IBTK: variants seen among roughly 807,000 people sequenced by gnomAD.
IBTK encodes BTK-binding protein.
Under a neutral mutation model 154.9 loss-of-function variants are expected in IBTK, and 83 were observed. The ratio of observed to expected loss-of-function variants is 0.54; its 90% CI spans 0.45 to 0.64. IBTK has a LOEUF of 0.64. Among genes scored for constraint, IBTK ranks in the 30% least tolerant of loss-of-function variants. IBTK has a pLI of 0.00. For synonymous variants in IBTK, 515 were observed against 536.1 expected (o/e 0.96, Z 0.54); for missense variants, 1,332 against 1,584.6 (o/e 0.84, Z 2.71).
intron 22 of IBTK, among the ~76,000 whole-genome samples, chr6:82,195,819 T>A (rs1242969630): frequency 6.6e-6 from 1 of 152,196 alleles, no homozygotes; most frequent in Non-Finnish European, 1.5e-5. Context: ...AGGCTAGGAA[T>A]CCTGCAGCTT....
intron 13 of IBTK, among the ~76,000 whole-genome samples, chr6:82,211,817 C>CT (rs373818710): frequency 6.6e-6 from 1 of 151,692 alleles, no homozygotes; most frequent in South Asian, 2.1e-4. Context: ...TCTGATTTTC[C>CT]TTTTTTTTAT....
At chr6:82,220,980 A>ACACACACACACACACACC (rs1770078905) in intron 8 of IBTK, among the ~76,000 whole-genome samples, 1 of 150,796 alleles carries the variant, frequency 6.6e-6, no homozygotes, top group Non-Finnish European at 1.5e-5. Flanking sequence ...ACACACACAC[A>ACACACACACACACACACC]TTAAATGCCT....
chr6:82,232,768 C>A (rs774360082), intron 3 of IBTK, among the ~76,000 whole-genome samples: 27 of 152,148 alleles, frequency 1.8e-4, no homozygotes, highest in Non-Finnish European at 1.2e-4. Flanking sequence ...GTAATCCCAG[C>A]ACTTTGAGAG....
intron 12 of IBTK, among the ~76,000 whole-genome samples, chr6:82,213,101 C>T (rs1334852788): frequency 6.6e-6 from 1 of 151,480 alleles, no homozygotes; most frequent in African/African-American, 2.4e-5. Flanking sequence ...GATCTTAGTT[C>T]ACTGCAACCT....
chr6:82,238,345 C>CT (rs1203015399), intron 2 of IBTK, among the ~76,000 whole-genome samples: 1 of 152,132 alleles, frequency 6.6e-6, no homozygotes, highest in Non-Finnish European at 1.5e-5. Context: ...AGTGAAATGA[C>CT]ATTGGGGTGT....
chr6:82,217,682 C>G (rs968879949), intron 10 of IBTK, among the ~76,000 whole-genome samples: 2 of 152,112 alleles, frequency 1.3e-5, no homozygotes, highest in Non-Finnish European at 2.9e-5. Flanking sequence ...TGATTTTGTT[C>G]TGGCACACAA....
intron 3 of IBTK, among the ~76,000 whole-genome samples, chr6:82,232,352 G>A (rs1421849762): frequency 2.0e-5 from 3 of 152,150 alleles, no homozygotes; most frequent in Non-Finnish European, 4.4e-5. Flanking sequence ...TTGCAAATGT[G>A]ATATTACTCT....
chr6:82,225,709 A>G, intron 5 of IBTK, 62 bp from the exon 6 acceptor site: 1 of 1,198,804 alleles, frequency 8.3e-7, no homozygotes, highest in African/African-American at 1.5e-5. Flanking sequence ...TGCAAATAGA[A>G]TTTGATGATA....
In IBTK at chr6:82,210,722, G is replaced by T. The variant is rs529096401; in HGVS notation, c.2509+92C>A. On this transcript the variant is annotated intron_variant, in intron 16 of 28. Coordinates refer to ENST00000306270, the MANE Select transcript of IBTK (RefSeq NM_015525.4). ...AAAATAAATTAAGCCTTTATTGATG[G>T]TTTTTTTCTATTAGAAATTAAGATT... 3.5e-5 allele frequency: 18 copies of T among 511,070 alleles called. 1 individual carries two copies. Among genetic ancestry groups the T allele is most frequent in the East Asian group, 1.4e-4 (4 of 27,934 alleles). 31.7% of individuals were successfully genotyped at this position (511,070 alleles called of 1,614,324 possible).
chr6:82,243,470 T>A (rs1056151662), intron 1 of IBTK, among the ~76,000 whole-genome samples: 2 of 152,168 alleles, frequency 1.3e-5, no homozygotes, highest in Non-Finnish European at 2.9e-5. Flanking sequence ...TATGATGAAA[T>A]CTCATAGTGT....
At chr6:82,238,509 C>T (rs1404627228) in intron 2 of IBTK, among the ~76,000 whole-genome samples, 2 of 152,056 alleles carry the variant, frequency 1.3e-5, no homozygotes, top group Non-Finnish European at 2.9e-5. Flanking sequence ...GCGATCTCAG[C>T]TTACAGCAAC....
chr6:82,220,576 A>G lies in IBTK; in HGVS notation c.1248+14T>C. 1 of 1,587,150 alleles carries G rather than the reference A, an allele frequency of 6.3e-7. No homozygotes were observed. Among genetic ancestry groups the G allele is most frequent in the Non-Finnish European group, 8.5e-7 (1 of 1,171,878 alleles). On this transcript the variant is annotated intron_variant, in intron 9 of 28. Transcript: ENST00000306270. Reference sequence around the variant, plus strand: ...TGAGAGTAAGATTACACTTTTACATAAACATGTACTTACCCTTCCAGCTCC... The same window carrying G: ...TGAGAGTAAGATTACACTTTTACATGAACATGTACTTACCCTTCCAGCTCC...
chr6:82,218,284 A>G (rs1488375636), intron 9 of IBTK, 147 bp from the exon 10 acceptor site: 1 of 470,152 alleles, frequency 2.1e-6, no homozygotes, highest in African/African-American at 2.0e-5. Context: ...AGAAAAAGAT[A>G]GCTACTATAA....
chr6:82,197,800 T>C (rs941165446), intron 21 of IBTK, among the ~76,000 whole-genome samples: 4 of 152,158 alleles, frequency 2.6e-5, no homozygotes, highest in African/African-American at 9.7e-5. Flanking sequence ...CAACAATTAC[T>C]TCTGGTCAAA....
Position 82,235,874 on chromosome 6 carries a change from G to GT in IBTK, c.322-1620dup, listed in dbSNP as rs201598356. ...TTGTTCATTAATTTTTGTTGTTATTGTTTTTTTTGGTTTTTTTGAGACGGA... is the reference window on the plus strand; with the variant it reads ...TTGTTCATTAATTTTTGTTGTTATTGTTTTTTTTTGGTTTTTTTGAGACGGA... On this transcript the variant is annotated intron_variant, in intron 2 of 28. Coordinates refer to ENST00000306270, the MANE Select transcript of IBTK (RefSeq NM_015525.4). 8.1e-3 allele frequency among the ~76,000 whole-genome samples: 1,226 copies of GT among 151,364 alleles called. 17 individuals carry two copies. Among genetic ancestry groups the GT allele is most frequent in the African/African-American group, 0.027 (1,113 of 41,288 alleles).
chr6:82,239,284 A>G (rs1328954997), intron 2 of IBTK, among the ~76,000 whole-genome samples: 2 of 151,686 alleles, frequency 1.3e-5, no homozygotes, highest in African/African-American at 2.4e-5. Context: ...TACTAAAAAA[A>G]TACAAAAAAT....
intron 9 of IBTK, among the ~76,000 whole-genome samples, chr6:82,219,685 T>C (rs1439563290): frequency 6.6e-6 from 1 of 151,164 alleles, no homozygotes; most frequent in East Asian, 1.9e-4. Context: ...ATTAATAATT[T>C]TATTAGAGAA....
At chr6:82,202,838 G>A (rs1769261189) in intron 17 of IBTK, among the ~76,000 whole-genome samples, 193 bp from the exon 18 acceptor site, 1 of 152,112 alleles carries the variant, frequency 6.6e-6, no homozygotes, top group Non-Finnish European at 1.5e-5. Flanking sequence ...AATTTCAAAA[G>A]ATTGGCTATG....
intron 21 of IBTK, among the ~76,000 whole-genome samples, chr6:82,196,796 C>A (rs1176844817): frequency 6.6e-6 from 1 of 152,138 alleles, no homozygotes; most frequent in African/African-American, 2.4e-5. Context: ...TAATTAAAAT[C>A]CAGACCTCTT....
Sources: allele counts gnomAD v4.1 joint callset (sites outside exome capture counted in the v4.1 genomes callset), GRCh38; gene constraint gnomAD v4.1.1; transcripts MANE v1.5; gene names NCBI Gene and HGNC (gene_info 2026-07-23, HGNC 2026-07-21).